DCSTAMP: variants seen among roughly 807,000 people sequenced by gnomAD.
The protein encoded by DCSTAMP is dendritic cell-specific transmembrane protein.
A neutral mutation model predicts 33.8 loss-of-function variants in DCSTAMP; 25 were observed. The observed-to-expected ratio is 0.74, with a 90% CI of 0.54 to 1.03. DCSTAMP has a LOEUF of 1.03. DCSTAMP is among the 50% of genes least tolerant of loss of function. The probability of loss-of-function intolerance (pLI) is 0.00; values close to 1 mark genes in which losing one functional copy is unlikely to be tolerated. For missense variants in DCSTAMP, 531 were observed against 556.8 expected, an observed-to-expected ratio of 0.95 and a Z score of 0.47; for synonymous variants, 245 against 216.7, an observed-to-expected ratio of 1.13 and a Z score of -1.15.
At chr8:104,340,142 T>C (rs1428789337) in intron 1 of DCSTAMP, 1 of 152,196 alleles carries the variant, frequency 6.6e-6, no homozygotes, top group Non-Finnish European at 1.5e-5. Context: ...CTGGTGGTTA[T>C]GGGGAGCCCT....
chr8:104,348,047 C>A (rs1305431814), intron 1 of DCSTAMP, among the ~76,000 whole-genome samples: 1 of 152,148 alleles, frequency 6.6e-6, no homozygotes, highest in Non-Finnish European at 1.5e-5. Flanking sequence ...TAGGTGGCCT[C>A]TAAAGCTGAA....
At chr8:104,353,530 G>A (rs1219915543) in intron 2 of DCSTAMP, among the ~76,000 whole-genome samples, 1 of 152,228 alleles carries the variant, frequency 6.6e-6, no homozygotes, top group Non-Finnish European at 1.5e-5. Flanking sequence ...ATTAAAAAGA[G>A]TTCATGTCTT....
chr8:104,343,150 G>A (rs1244065708), intron 1 of DCSTAMP, among the ~76,000 whole-genome samples: 1 of 152,188 alleles, frequency 6.6e-6, no homozygotes, highest in Non-Finnish European at 1.5e-5. Context: ...GAGGGGCTGA[G>A]CAGTTGTCCA....
chr8:104,349,045 G>A lies in DCSTAMP; in HGVS notation c.493G>A (p.Val165Ile), dbSNP rs776798756. 1 of 1,614,188 alleles carries A rather than the reference G, an allele frequency of 6.2e-7. No individual in the cohort carries two copies. Among genetic ancestry groups the A allele is most frequent in the South Asian group, 1.1e-5 (1 of 91,084 alleles). ...ATPLSVFDDLVSWNQTLAVSL... is the reference protein window; with the variant it reads ...ATPLSVFDDLISWNQTLAVSL... ...TCCACTAAGTGTATTTGATGACCTT[G>A]TTTCTTGGAACCAGACCCTGGCAGT... The change falls in exon 2 of 4, where the codon GTT becomes ATT. Residue 165 changes from valine to isoleucine, a missense_variant. Physicochemically the swap from Val to Ile is conservative, Grantham distance 29. Coordinates refer to ENST00000297581, the MANE Select transcript of DCSTAMP (RefSeq NM_030788.4).
At chr8:104,355,573 C>A (rs946684321) in intron 3 of DCSTAMP, among the ~76,000 whole-genome samples, 2 of 152,002 alleles carry the variant, frequency 1.3e-5, no homozygotes, top group African/African-American at 4.8e-5. Flanking sequence ...AGAATTTGTT[C>A]ATTTTCCAGT....
At chr8:104,354,030 G>A (rs1410609972) in intron 2 of DCSTAMP, among the ~76,000 whole-genome samples, 2 of 152,176 alleles carry the variant, frequency 1.3e-5, no homozygotes, top group Non-Finnish European at 2.9e-5. Context: ...TCTCTTGTGG[G>A]TGGCTTGGCT....
In DCSTAMP at chr8:104,342,689, C is replaced by T. The variant is rs189198010; in HGVS notation, c.-13+2827C>T. Among the ~76,000 whole-genome samples the T allele has an allele frequency of 6.6e-5, 10 of 152,290 alleles. No homozygotes were observed. The East Asian group carries it at 1.9e-3, about 29-fold the overall frequency. ...TGCTGCCTGCAGGGGACAGGATGAG[C>T]CCCCATTCCTGACCCCAGCTCAACA... On this transcript the variant is annotated intron_variant, in intron 1 of 3. Coordinates refer to ENST00000297581, the MANE Select transcript of DCSTAMP (RefSeq NM_030788.4).
At chr8:104,354,491 A>G (rs1433537339) in intron 2 of DCSTAMP, among the ~76,000 whole-genome samples, 2 of 152,210 alleles carry the variant, frequency 1.3e-5, no homozygotes, top group East Asian at 1.9e-4. Flanking sequence ...AAAATGAGTT[A>G]TGTGATCAAA....
In DCSTAMP at chr8:104,355,055, T is replaced by A; in HGVS notation, c.1208T>A (p.Leu403Gln). 1 of 1,614,160 alleles carries A rather than the reference T, an allele frequency of 6.2e-7. No individual in the cohort carries two copies. The highest frequency in any genetic ancestry group is 1.1e-5 in the South Asian group (1 of 91,092). ...LSSILMQLKI[L>Q]VSASFYPSVE... ...TCTATCCTTATGCAACTTAAAATCC[T>A]GGTGTCAGCATCTTTCTACCCCAGC... The change falls in exon 3 of 4, where the codon CTG becomes CAG. Residue 403 changes from leucine to glutamine, a missense_variant. Transcript: ENST00000297581.
At chr8:104,356,094 G>C in intron 3 of DCSTAMP, 30 bp from the exon 4 acceptor site, 1 of 1,595,312 alleles carries the variant, frequency 6.3e-7, no homozygotes, top group Non-Finnish European at 8.5e-7. Flanking sequence ...CAACTCCAAT[G>C]CCCATTTATC....
At chr8:104,355,305 A>G in intron 3 of DCSTAMP, 120 bp downstream of exon 3, 1 of 1,006,888 alleles carries the variant, frequency 9.9e-7, no homozygotes, top group Non-Finnish European at 1.4e-6. Flanking sequence ...GTACCCCAGC[A>G]GTAGATAGGA....
Position 104,349,174 on chromosome 8 carries a change from T to C in DCSTAMP, c.622T>C (p.Ser208Pro). 1 of 1,614,190 alleles carries C rather than the reference T, an allele frequency of 6.2e-7. No individual in the cohort carries two copies. Among genetic ancestry groups the C allele is most frequent in the Non-Finnish European group, 8.5e-7 (1 of 1,180,034 alleles). Residue 208 changes from serine to proline, a missense_variant, in exon 2 of 4, where the codon TCC becomes CCC. By Grantham distance (74) the Ser-to-Pro change is moderately conservative. Coordinates refer to ENST00000297581, the MANE Select transcript of DCSTAMP (RefSeq NM_030788.4). ...GATGGCAACAACCACAGAGGTGTTG[T>C]CCTCCCTGGGTCAGAAGCTACTTGC... ...YQMATTTEVL[S>P]SLGQKLLAFA... is the part of the protein sequence containing the mutation.
chr8:104,354,953 C>T lies in DCSTAMP; in HGVS notation c.1106C>T (p.Pro369Leu), dbSNP rs146130500. 6.2e-7 allele frequency: 1 copy of T among 1,613,666 alleles called. No individual in the cohort carries two copies. Among genetic ancestry groups the T allele is most frequent in the South Asian group, 1.1e-5 (1 of 91,048 alleles). The stretch of plus-strand genomic sequence containing the variant: ...TTTGAACCCAACTGTATCCCAAAAC[C>T]AAAATTCCTTCTATCTGAGACCTGG... ...SVFEPNCIPK[P>L]KFLLSETWVP... Residue 369 changes from proline (P) to leucine (L), a missense_variant, in exon 3 of 4, where the codon CCA becomes CTA. By Grantham distance (98) the Pro-to-Leu change is moderately conservative. Transcript: ENST00000297581.
intron 2 of DCSTAMP, among the ~76,000 whole-genome samples, chr8:104,354,103 C>T (rs1182672146): frequency 6.6e-6 from 1 of 152,198 alleles, no homozygotes; most frequent in Non-Finnish European, 1.5e-5. Flanking sequence ...GGCTTATTCT[C>T]TTGCCTTCAA....
chr8:104,340,754 C>A (rs79682216), intron 1 of DCSTAMP, among the ~76,000 whole-genome samples: 2 of 152,156 alleles, frequency 1.3e-5, no homozygotes, highest in Non-Finnish European at 2.9e-5. Flanking sequence ...CTCCGTTTGG[C>A]GCTCTTTTCC....
chr8:104,340,655 T>C (rs962767755), intron 1 of DCSTAMP, among the ~76,000 whole-genome samples: 1 of 152,214 alleles, frequency 6.6e-6, no homozygotes, highest in Non-Finnish European at 1.5e-5. Flanking sequence ...AGAACTCAGC[T>C]AGCCCATAGG....
chr8:104,348,417 AG>A, intron 1 of DCSTAMP, 123 bp from the exon 2 acceptor site: 1 of 887,542 alleles, frequency 1.1e-6, no homozygotes, highest in Non-Finnish European at 1.7e-6. Context: ...TTCAAGGGAG[AG>A]GACACAGGAA....
intron 2 of DCSTAMP, among the ~76,000 whole-genome samples, chr8:104,351,815 A>T (rs1810471342): frequency 1.3e-5 from 2 of 152,140 alleles, no homozygotes; most frequent in South Asian, 4.1e-4. Context: ...TCTTGGTCCT[A>T]GCTGATTTTG....
chr8:104,349,382 A>T lies in DCSTAMP; in HGVS notation c.830A>T (p.Tyr277Phe). The change falls in exon 2 of 4, where the codon TAT (tyrosine) becomes TTT (phenylalanine). Residue 277 changes from tyrosine (Y) to phenylalanine (F), a missense_variant. By Grantham distance (22) the Tyr-to-Phe change is conservative. Transcript: ENST00000297581. ...LPLNKEERRK[Y>F]VIIPTFWPTP... ...CTGAATAAGGAGGAAAGGAGGAAGT[A>T]TGTCATCATCCCGACTTTCTGGCCG... is the stretch of plus-strand genomic sequence containing the variant. 1.9e-6 allele frequency: 3 copies of T among 1,614,188 alleles called. No individual in the cohort carries two copies. The highest frequency in any genetic ancestry group is 1.6e-4 in the Middle Eastern group (1 of 6,062).
Sources: gnomAD v4.1 joint callset for allele counts (sites outside exome capture counted in the v4.1 genomes callset) on GRCh38, gnomAD v4.1.1 for gene constraint, MANE v1.5 for transcripts, NCBI Gene and HGNC (gene_info 2026-07-23, HGNC 2026-07-21) for gene names.